ADAD1: variants seen among roughly 807,000 people sequenced by gnomAD.
ADAD1 encodes the protein adenosine deaminase domain containing 1, also known as adenosine deaminase domain-containing protein 1.
In ADAD1, 46 loss-of-function variants were observed where a neutral mutation model predicts 66.8. The observed-to-expected ratio is 0.69, with a 90% confidence interval of 0.54 to 0.88. The LOEUF is 0.88. Ranked by LOEUF, ADAD1 falls within the 40% of genes least tolerant of loss-of-function variation. The pLI is 0.00. For missense variants in ADAD1, 617 were observed against 681.8 expected (o/e 0.91, Z 1.06); for synonymous variants, 248 against 229.4 (o/e 1.08, Z -0.73).
At chr4:122,429,455 T>C (rs755370053) in intron 12 of ADAD1, among the ~76,000 whole-genome samples, 171 bp from the exon 13 acceptor site, 11 of 152,006 alleles carry the variant, frequency 7.2e-5, no homozygotes, top group Non-Finnish European at 1.3e-4. Flanking sequence ...AATTGCTCTT[T>C]AGGAGTGTTG....
At chr4:122,405,583 C>T (rs1048182883) in intron 7 of ADAD1, among the ~76,000 whole-genome samples, 3 of 152,138 alleles carry the variant, frequency 2.0e-5, no homozygotes, top group Non-Finnish European at 4.4e-5. Flanking sequence ...TCCTGGTCTA[C>T]CTGCTCTCCA....
intron 7 of ADAD1, among the ~76,000 whole-genome samples, chr4:122,398,260 C>T (rs900675084): frequency 6.6e-6 from 1 of 151,986 alleles, no homozygotes; most frequent in African/African-American, 2.4e-5. Context: ...TTCCATTCCT[C>T]GTTACTTCCC....
chr4:122,428,112 C>G (rs1288904885), intron 12 of ADAD1, among the ~76,000 whole-genome samples: 2 of 151,968 alleles, frequency 1.3e-5, no homozygotes, highest in Admixed American at 1.3e-4. Context: ...GTCAGTCATA[C>G]ACAAAAATTA....
rs201390867 is a variant in ADAD1, at chr4:122,380,102, G to A, written c.33G>A (p.Ser11=). ...GCAACAATCATTGGTTTCAGAGTTC[G>A]CAGGTCCCCAGCTTTGCCCAGATGC... MASNNHWFQS[S]QVPSFAQMLK... is the part of the protein sequence containing the mutation. Residue 11 remains serine, a synonymous_variant, in exon 3 of 13, where the codon TCG becomes TCA. Transcript: ENST00000296513. 6.8e-6 allele frequency: 11 copies of A among 1,613,664 alleles called. No homozygotes were observed. Among genetic ancestry groups the A allele is most frequent in the East Asian group, 6.7e-5 (3 of 44,878 alleles).
chr4:122,406,199 A>G (rs1796204416), intron 7 of ADAD1, among the ~76,000 whole-genome samples: 1 of 152,190 alleles, frequency 6.6e-6, no homozygotes, highest in African/African-American at 2.4e-5. Flanking sequence ...TGCCAACAAC[A>G]TATAAGGGTT....
At position 122,380,209 on chromosome 4, in the gene ADAD1, C is replaced by A; in HGVS notation, c.140C>A (p.Ser47Tyr). ...TGWSSESYGL[S>Y]KMASKVTQVT... is the part of the protein sequence containing the mutation. ...TGGTCCTCAGAAAGTTACGGCCTGT[C>A]CAAGATGGCATCCAAGGTTACGCAA... Residue 47 changes from serine to tyrosine, a missense_variant, in exon 3 of 13, where the codon TCC becomes TAC. Coordinates refer to ENST00000296513, the MANE Select transcript of ADAD1 (RefSeq NM_139243.4). 1 of 1,612,592 alleles carries A rather than the reference C, an allele frequency of 6.2e-7. No homozygotes were observed. The highest frequency in any genetic ancestry group is 8.5e-7 in the Non-Finnish European group (1 of 1,179,662).
chr4:122,429,141 A>C (rs1420733507), intron 12 of ADAD1, among the ~76,000 whole-genome samples: 1 of 151,788 alleles, frequency 6.6e-6, no homozygotes, highest in African/African-American at 2.4e-5. Flanking sequence ...AAAAAAAAGA[A>C]CAAGAAGAAA....
chr4:122,427,755 C>T (rs1287062266), intron 12 of ADAD1, among the ~76,000 whole-genome samples: 3 of 151,724 alleles, frequency 2.0e-5, no homozygotes, highest in Non-Finnish European at 4.4e-5. Context: ...AGGCAGGTCT[C>T]GAACTTCTGA....
chr4:122,427,194 T>C (rs1194064741), intron 12 of ADAD1, among the ~76,000 whole-genome samples: 1 of 152,192 alleles, frequency 6.6e-6, no homozygotes, highest in Non-Finnish European at 1.5e-5. Flanking sequence ...GAATGAATGC[T>C]CAAAAAATTG....
chr4:122,392,992 A>G (rs1294701889), intron 5 of ADAD1, among the ~76,000 whole-genome samples: 1 of 149,052 alleles, frequency 6.7e-6, no homozygotes, highest in Non-Finnish European at 1.5e-5. Context: ...TGACTACTTT[A>G]ATTGGTACCT....
chr4:122,412,290 A>G (rs533225543), intron 9 of ADAD1, among the ~76,000 whole-genome samples: 2 of 152,274 alleles, frequency 1.3e-5, no homozygotes, highest in Admixed American at 1.3e-4. Flanking sequence ...TTCACAAACT[A>G]TGATAGGGAT....
At chr4:122,409,860 C>T (rs545938074) in intron 8 of ADAD1, among the ~76,000 whole-genome samples, 7 of 152,096 alleles carry the variant, frequency 4.6e-5, no homozygotes, top group South Asian at 2.1e-4. Context: ...CCACCATACC[C>T]GGCCTTTTTT....
chr4:122,380,666 T>C lies in ADAD1; in HGVS notation c.173-326T>C, dbSNP rs149865391. Among the ~76,000 whole-genome samples, 921 of 152,338 alleles carry C rather than the reference T, an allele frequency of 6.0e-3. 12 individuals carry two copies. The highest frequency in any genetic ancestry group is 0.021 in the African/African-American group (893 of 41,578). On this transcript the variant is annotated intron_variant, in intron 3 of 12. Transcript: ENST00000296513. ...TACGTTTTAGTCCCAGATCTGTGTC[T>C]TTCTGTATTCTAGGCCTTAGTGATA...
chr4:122,403,034 G>C (rs892802707), intron 7 of ADAD1, among the ~76,000 whole-genome samples: 1 of 152,194 alleles, frequency 6.6e-6, no homozygotes, highest in Non-Finnish European at 1.5e-5. Context: ...TGGAGAGCTA[G>C]TGTGAACTTT....
At chr4:122,412,398 A>G (rs1796507064) in intron 9 of ADAD1, among the ~76,000 whole-genome samples, 182 bp from the exon 10 acceptor site, 5 of 152,034 alleles carry the variant, frequency 3.3e-5, no homozygotes. Flanking sequence ...TTTCTGTTTT[A>G]TAGTACTATT....
chr4:122,392,743 T>G (rs1297764173), intron 5 of ADAD1, among the ~76,000 whole-genome samples: 1 of 152,208 alleles, frequency 6.6e-6, no homozygotes, highest in Non-Finnish European at 1.5e-5. Flanking sequence ...AAATTGTTAC[T>G]ATATGGTATA....
intron 11 of ADAD1, among the ~76,000 whole-genome samples, chr4:122,416,119 T>G (rs1796723758): frequency 1.3e-5 from 2 of 152,116 alleles, no homozygotes; most frequent in African/African-American, 4.8e-5. Context: ...GTTGAGAGAT[T>G]TTATTTATTT....
At position 122,399,272 on chromosome 4, in the gene ADAD1, T is replaced by A. The variant is rs536247969; in HGVS notation, c.724+2895T>A. Among the ~76,000 whole-genome samples the A allele has an allele frequency of 3.3e-5, 5 of 152,234 alleles. No individual in the cohort carries two copies. The South Asian group carries it at 6.2e-4, about 19-fold the overall frequency. On this transcript the variant is annotated intron_variant, in intron 7 of 12. Coordinates refer to ENST00000296513, the MANE Select transcript of ADAD1 (RefSeq NM_139243.4). Reference sequence around the variant, plus strand: ...ATTTGTTTGCTGTGTCAAAGGCCAGTTGACTGTATTTTGTTTTATTTCTGG... The same window carrying A: ...ATTTGTTTGCTGTGTCAAAGGCCAGATGACTGTATTTTGTTTTATTTCTGG...
intron 11 of ADAD1, among the ~76,000 whole-genome samples, chr4:122,416,709 G>A (rs1796752296): frequency 6.6e-6 from 1 of 151,408 alleles, no homozygotes; most frequent in Admixed American, 6.6e-5. Context: ...CTCCAGCCTG[G>A]GCAACAGAGT....
Sources: gnomAD v4.1 joint callset for allele counts (sites outside exome capture counted in the v4.1 genomes callset) on GRCh38, gnomAD v4.1.1 for gene constraint, MANE v1.5 for transcripts, NCBI Gene and HGNC (gene_info 2026-07-23, HGNC 2026-07-21) for gene names.